The following RBFOX1 variants were observed in gnomAD, a reference collection of about 807,000 sequenced individuals.
RBFOX1 encodes the protein RNA binding protein fox-1 homolog 1.
RBFOX1 carries 8 observed loss-of-function variants against 57.7 expected under a neutral mutation model. The ratio of observed to expected loss-of-function variants is 0.14; its 90% CI spans 0.08 to 0.25. The LOEUF is 0.25. Ranked by LOEUF, RBFOX1 falls within the 10% of genes least tolerant of loss-of-function variation. The probability of loss-of-function intolerance (pLI) is 1.00; values close to 1 mark genes in which losing one functional copy is unlikely to be tolerated. For synonymous variants in RBFOX1, 326 were observed against 222.4 expected (o/e 1.47, Z -4.15); for missense variants, 611 against 548.5 (o/e 1.11, Z -1.14).
intron 2 of RBFOX1, among the ~76,000 whole-genome samples, chr16:6,440,980 T>G (rs1490829998): frequency 6.6e-6 from 1 of 151,954 alleles, no homozygotes; most frequent in South Asian, 2.1e-4. Flanking sequence ...GTGGAGTGTA[T>G]GGCTGAGGTG....
At chr16:7,687,269 A>AT (rs2147144580) in intron 14 of RBFOX1, among the ~76,000 whole-genome samples, 1 of 152,236 alleles carries the variant, frequency 6.6e-6, no homozygotes, top group Non-Finnish European at 1.5e-5. Context: ...ATTCTGGAGT[A>AT]GAGTATTAGT....
intron 3 of RBFOX1, among the ~76,000 whole-genome samples, chr16:7,014,789 G>C (rs2093824658): frequency 6.6e-6 from 1 of 152,074 alleles, no homozygotes; most frequent in African/African-American, 2.4e-5. Context: ...CAGTGGCACT[G>C]TCTCGGCTCA....
At chr16:7,403,401 C>G (rs1408046620) in intron 4 of RBFOX1, among the ~76,000 whole-genome samples, 1 of 152,180 alleles carries the variant, frequency 6.6e-6, no homozygotes, top group East Asian at 1.9e-4. Context: ...TCCCTTCAGC[C>G]TCTGGCAACC....
At chr16:6,442,283 C>T (rs992731592) in intron 2 of RBFOX1, among the ~76,000 whole-genome samples, 19 of 152,142 alleles carry the variant, frequency 1.2e-4, no homozygotes, top group African/African-American at 4.6e-4. Flanking sequence ...GTTGGCCGTG[C>T]ACGGTGGCTC....
chr16:6,901,434 A>G (rs907383373), intron 3 of RBFOX1, among the ~76,000 whole-genome samples: 1 of 152,154 alleles, frequency 6.6e-6, no homozygotes, highest in African/African-American at 2.4e-5. Context: ...ACAGAGTCCA[A>G]GAGGTCAAAG....
In RBFOX1 at chr16:6,450,816, T is replaced by TAC. The variant is rs1251814422; in HGVS notation, c.-64+133761_-64+133762dup. Among the ~76,000 whole-genome samples the TAC allele has an allele frequency of 0.016, 350 of 22,020 alleles. 68 individuals carry two copies. In the East Asian group the frequency reaches 0.29, roughly 18 times the overall value. The allele number at this position is 22,020 out of a possible 152,430, so 14.4% of individuals were successfully genotyped here. A position where few individuals can be genotyped will look rare whatever the true frequency, so the allele number is the denominator to read the frequency against. ...ATATATATATGTATATATATATATATACATATATATATATATATATGTGTA... is the reference window on the plus strand; with the variant it reads ...ATATATATATGTATATATATATATATACACATATATATATATATATATGTGTA... On this transcript the variant is annotated intron_variant, in intron 2 of 15. Coordinates refer to ENST00000550418, the MANE Select transcript of RBFOX1 (RefSeq NM_018723.4).
Position 5,469,836 on chromosome 16 carries a change from C to G in RBFOX1, c.258+2582C>G, listed in dbSNP as rs531486119. 4.6e-5 allele frequency among the ~76,000 whole-genome samples: 7 copies of G among 152,306 alleles called. No individual in the cohort carries two copies. The South Asian group carries it at 1.4e-3, about 32-fold the overall frequency. ...GTTTATTCATATCGTAGCATTCTCT[C>G]CTTTTTATGGCTGAATAATATTCCA... is the stretch of plus-strand genomic sequence containing the variant. On this transcript the variant is annotated intron_variant, in intron 2 of 2. Transcript: ENST00000585867.
At chr16:7,305,364 T>G (rs144927678) in intron 4 of RBFOX1, among the ~76,000 whole-genome samples, 2 of 152,052 alleles carry the variant, frequency 1.3e-5, no homozygotes, top group African/African-American at 4.8e-5. Flanking sequence ...ACTGCCCTTG[T>G]AGGGTGACAG....
chr16:6,989,281 C>A (rs1050269865), intron 3 of RBFOX1, among the ~76,000 whole-genome samples: 2 of 152,132 alleles, frequency 1.3e-5, no homozygotes, highest in Admixed American at 1.3e-4. Flanking sequence ...CAGTATGGAT[C>A]TGGATAATTT....
intron 1 of RBFOX1, among the ~76,000 whole-genome samples, chr16:5,248,565 G>A (rs578209972): frequency 8.5e-5 from 13 of 152,314 alleles, no homozygotes; most frequent in African/African-American, 2.9e-4. Flanking sequence ...ACCAGCTGAG[G>A]ATCAGAGCCC....
chr16:7,526,897 C>A (rs759496522), intron 5 of RBFOX1, among the ~76,000 whole-genome samples: 1 of 152,182 alleles, frequency 6.6e-6, no homozygotes, highest in Non-Finnish European at 1.5e-5. Context: ...GACCAAAATT[C>A]TTAAGGGCTG....
chr16:7,304,317 C>A (rs11645793), intron 4 of RBFOX1: 658,189 of 984,526 alleles, frequency 0.67, 221,210 homozygotes, highest in East Asian at 0.77. Flanking sequence ...AATTGTAGCG[C>A]CCAGGCAGAG....
chr16:5,934,716 T>A (rs1195601502), intron 4 of RBFOX1, among the ~76,000 whole-genome samples: 1 of 152,254 alleles, frequency 6.6e-6, no homozygotes, highest in African/African-American at 2.4e-5. Context: ...CCCATAAATA[T>A]GTATAATTAT....
At chr16:7,360,616 G>T (rs1568407001) in intron 4 of RBFOX1, among the ~76,000 whole-genome samples, 1 of 152,138 alleles carries the variant, frequency 6.6e-6, no homozygotes, top group South Asian at 2.1e-4. Flanking sequence ...CACAACAAAG[G>T]CAAAGGAATT....
At chr16:5,968,290 G>A (rs915962624) in intron 4 of RBFOX1, among the ~76,000 whole-genome samples, 21 of 151,994 alleles carry the variant, frequency 1.4e-4, no homozygotes, top group Admixed American at 7.2e-4. Context: ...GGCCCGGCTG[G>A]TCTCAAACTC....
intron 2 of RBFOX1, among the ~76,000 whole-genome samples, chr16:6,562,880 C>CTTTCTTT (rs746999419): frequency 0.071 from 3,648 of 51,382 alleles, 248 homozygotes; most frequent in Non-Finnish European, 0.1. Flanking sequence ...TTCTTTCTTT[C>CTTTCTTT]TTTTTTTTTT....
intron 2 of RBFOX1, among the ~76,000 whole-genome samples, chr16:6,599,917 A>G (rs1002685660): frequency 6.6e-6 from 1 of 152,194 alleles, no homozygotes; most frequent in African/African-American, 2.4e-5. Flanking sequence ...CAGTGGTACA[A>G]AGTGTTAACC....
intron 2 of RBFOX1, among the ~76,000 whole-genome samples, chr16:6,639,069 C>T (rs953954431): frequency 3.3e-5 from 5 of 152,178 alleles, no homozygotes; most frequent in South Asian, 2.1e-4. Context: ...GCTTAGCCAT[C>T]GTTTCACTCA....
intron 5 of RBFOX1, among the ~76,000 whole-genome samples, chr16:7,521,033 A>G (rs2077407206): frequency 6.6e-6 from 1 of 152,226 alleles, no homozygotes; most frequent in Non-Finnish European, 1.5e-5. Context: ...TGTGTGATAG[A>G]TGTCTTAAGG....
Sources: allele counts gnomAD v4.1 joint callset (sites outside exome capture counted in the v4.1 genomes callset), GRCh38; gene constraint gnomAD v4.1.1; transcripts MANE v1.5; gene names NCBI Gene and HGNC (gene_info 2026-07-23, HGNC 2026-07-21).